Variants in SSBP2 observed in about 807,000 individuals in gnomAD.
SSBP2 encodes single stranded DNA binding protein 2, also known as single-stranded DNA-binding protein 2.
SSBP2 carries 17 observed loss-of-function variants against 61.8 expected under a neutral mutation model. That is an observed-to-expected ratio of 0.28 (90% CI 0.19 to 0.41). SSBP2 has a LOEUF of 0.41. SSBP2 is among the 10% of genes least tolerant of loss of function. The pLI is 1.00. For synonymous variants in SSBP2, 139 were observed against 141.3 expected (o/e 0.98, Z 0.12); for missense variants, 310 against 458.7 (o/e 0.68, Z 2.96).
chr5:81,595,206 T>C (rs2153534289), intron 4 of SSBP2, among the ~76,000 whole-genome samples: 1 of 152,198 alleles, frequency 6.6e-6, no homozygotes, highest in Non-Finnish European at 1.5e-5. Flanking sequence ...GAAAATACTA[T>C]AAACACCTCT....
At chr5:81,513,460 A>G (rs918000815) in intron 5 of SSBP2, among the ~76,000 whole-genome samples, 168 bp downstream of exon 5, 13 of 152,198 alleles carry the variant, frequency 8.5e-5, no homozygotes, top group African/African-American at 2.9e-4. Context: ...CAAATAAAAC[A>G]TAAGAAGAAA....
chr5:81,677,769 C>T (rs1338157981), intron 1 of SSBP2, among the ~76,000 whole-genome samples: 1 of 151,168 alleles, frequency 6.6e-6, no homozygotes, highest in Non-Finnish European at 1.5e-5. Flanking sequence ...CCTAACTGAC[C>T]TGAGGAAAAG....
In SSBP2 at chr5:81,650,217, A is replaced by G. The variant is rs554362913; in HGVS notation, c.135+50T>C. On this transcript the variant is annotated intron_variant, in intron 2 of 16. Coordinates refer to ENST00000320672, the MANE Select transcript of SSBP2 (RefSeq NM_012446.5). ...AAATAATTATTATAGTGTGTTTTCCATTCATTTATATAAGATCAAAATGCA... is the reference window on the plus strand; with the variant it reads ...AAATAATTATTATAGTGTGTTTTCCGTTCATTTATATAAGATCAAAATGCA... 33 of 1,276,080 alleles carry G rather than the reference A, an allele frequency of 2.6e-5. No individual in the cohort carries two copies. The South Asian group carries it at 3.6e-4, about 14-fold the overall frequency. 79.0% of individuals were successfully genotyped at this position (1,276,080 alleles called of 1,614,324 possible).
intron 4 of SSBP2, among the ~76,000 whole-genome samples, chr5:81,591,914 A>T (rs1391680531): frequency 1.3e-5 from 2 of 152,252 alleles, no homozygotes; most frequent in Non-Finnish European, 2.9e-5. Flanking sequence ...TGAGCGACAC[A>T]GAAAATGGGT....
At chr5:81,626,847 C>G (rs547229088) in intron 3 of SSBP2, among the ~76,000 whole-genome samples, 1 of 152,286 alleles carries the variant, frequency 6.6e-6, no homozygotes, top group South Asian at 2.1e-4. Flanking sequence ...AATAGTGGGA[C>G]ACTGAATTGA....
At chr5:81,559,292 CAGG>C (rs2153406397) in intron 4 of SSBP2, among the ~76,000 whole-genome samples, 1 of 150,718 alleles carries the variant, frequency 6.6e-6, no homozygotes, top group Admixed American at 6.7e-5. Context: ...GAGGCTGTGT[CAGG>C]AGAATTGCTG....
chr5:81,676,878 A>AG (rs2153804714), intron 1 of SSBP2, among the ~76,000 whole-genome samples: 1 of 152,318 alleles, frequency 6.6e-6, no homozygotes, highest in Non-Finnish European at 1.5e-5. Context: ...AAGGAAGGGA[A>AG]GAAAGGGAAA....
chr5:81,479,763 TA>T (rs1290224052), intron 6 of SSBP2, among the ~76,000 whole-genome samples: 1 of 152,210 alleles, frequency 6.6e-6, no homozygotes, highest in African/African-American at 2.4e-5. Context: ...TAAACAATCT[TA>T]TAAAGTTATT....
chr5:81,602,992 C>G (rs551438389), intron 4 of SSBP2, among the ~76,000 whole-genome samples: 3 of 152,204 alleles, frequency 2.0e-5, no homozygotes, highest in Non-Finnish European at 4.4e-5. Context: ...TACCCACCAG[C>G]TGGTCCCATG....
At chr5:81,698,779 G>A (rs1465361317) in intron 1 of SSBP2, among the ~76,000 whole-genome samples, 1 of 152,170 alleles carries the variant, frequency 6.6e-6, no homozygotes, top group Non-Finnish European at 1.5e-5. Flanking sequence ...CTGTACTCCA[G>A]CCTAGGTGAC....
intron 5 of SSBP2, among the ~76,000 whole-genome samples, chr5:81,493,768 A>AAT (rs1554074840): frequency 1.4e-5 from 2 of 144,416 alleles, no homozygotes; most frequent in South Asian, 4.3e-4. Flanking sequence ...AAAAAAAAAT[A>AAT]AAATAAAATT....
At chr5:81,709,818 T>C (rs917847045) in intron 1 of SSBP2, among the ~76,000 whole-genome samples, 1 of 151,998 alleles carries the variant, frequency 6.6e-6, no homozygotes, top group Non-Finnish European at 1.5e-5. Context: ...AAAGCCATCA[T>C]AGCAGATGTA....
chr5:81,731,049 ACT>A (rs1162897706), intron 1 of SSBP2, among the ~76,000 whole-genome samples: 1 of 152,170 alleles, frequency 6.6e-6, no homozygotes, highest in Non-Finnish European at 1.5e-5. Context: ...CAAAACTGAA[ACT>A]CTATACGATT....
At chr5:81,739,485 G>C (rs1233434541) in intron 1 of SSBP2, among the ~76,000 whole-genome samples, 3 of 152,094 alleles carry the variant, frequency 2.0e-5, no homozygotes, top group Non-Finnish European at 4.4e-5. Flanking sequence ...GAATCCCACA[G>C]AACCTTCTGC....
At chr5:81,735,841 T>C (rs1756566834) in intron 1 of SSBP2, among the ~76,000 whole-genome samples, 1 of 152,190 alleles carries the variant, frequency 6.6e-6, no homozygotes, top group Non-Finnish European at 1.5e-5. Flanking sequence ...CCATACTTTA[T>C]CATTTCTATA....
At chr5:81,746,848 G>C (rs550673064) in intron 1 of SSBP2, among the ~76,000 whole-genome samples, 24 of 152,086 alleles carry the variant, frequency 1.6e-4, no homozygotes, top group African/African-American at 5.3e-4. Context: ...TTACATAAAA[G>C]ATCAAATTAG....
intron 15 of SSBP2, among the ~76,000 whole-genome samples, chr5:81,434,337 C>CTCTA (rs972307597): frequency 6.6e-6 from 1 of 151,950 alleles, no homozygotes; most frequent in African/African-American, 2.4e-5. Flanking sequence ...AGAGCTGTGG[C>CTCTA]TAGAGACCTA....
intron 1 of SSBP2, among the ~76,000 whole-genome samples, chr5:81,732,955 T>G (rs1157525833): frequency 1.3e-5 from 2 of 152,184 alleles, no homozygotes; most frequent in Non-Finnish European, 2.9e-5. Flanking sequence ...AAAGATGATT[T>G]CTGTCTTTTA....
intron 1 of SSBP2, among the ~76,000 whole-genome samples, chr5:81,699,988 C>A (rs957437809): frequency 2.0e-5 from 3 of 151,600 alleles, no homozygotes; most frequent in African/African-American, 7.3e-5. Context: ...GCTACAGGCA[C>A]CTGCCACCAC....
Sources: allele counts gnomAD v4.1 joint callset (sites outside exome capture counted in the v4.1 genomes callset), GRCh38; gene constraint gnomAD v4.1.1; transcripts MANE v1.5; gene names NCBI Gene and HGNC (gene_info 2026-07-23, HGNC 2026-07-21).